The following TTC29 variants were observed in gnomAD, a reference collection of about 807,000 sequenced individuals.
TTC29 encodes the protein tetratricopeptide repeat domain 29.
TTC29 carries 49 observed loss-of-function variants against 58.1 expected under a neutral mutation model. The ratio of observed to expected loss-of-function variants is 0.84; its 90% confidence interval spans 0.67 to 1.07. The LOEUF (loss-of-function observed/expected upper bound fraction) is 1.07. Ranked by LOEUF, TTC29 falls within the 50% of genes least tolerant of loss-of-function variation. The pLI, the probability that TTC29 is intolerant of heterozygous loss-of-function variation, is 0.00. For synonymous variants in TTC29, 209 were observed against 196.8 expected, an observed-to-expected ratio of 1.06 and a Z score of -0.52; for missense variants, 582 against 555.6, an observed-to-expected ratio of 1.05 and a Z score of -0.48.
rs183919652 is a variant in TTC29, at chr4:146,781,214, T to C, written c.1330+22243A>G. Reference sequence around the variant, plus strand: ...GGAAACACAATAAAATCTATAATGATACATGAGTAGAATAATCGCTGGATT... The same window carrying C: ...GGAAACACAATAAAATCTATAATGACACATGAGTAGAATAATCGCTGGATT... On this transcript the variant is annotated intron_variant, in intron 11 of 12. Transcript: ENST00000325106. 8.5e-5 allele frequency among the ~76,000 whole-genome samples: 13 copies of C among 152,074 alleles called. No homozygotes were observed. In the East Asian group the frequency reaches 2.3e-3, roughly 27 times the overall value.
chr4:146,801,873 G>A (rs769841187), intron 11 of TTC29, among the ~76,000 whole-genome samples: 3 of 148,766 alleles, frequency 2.0e-5, no homozygotes, highest in African/African-American at 7.4e-5. Flanking sequence ...CAGCTCCTCA[G>A]GAGGCTGAAG....
chr4:146,834,476 T>C (rs1411092111), intron 8 of TTC29, among the ~76,000 whole-genome samples: 1 of 152,174 alleles, frequency 6.6e-6, no homozygotes, highest in African/African-American at 2.4e-5. Context: ...CAGCCAAACA[T>C]GTGATCTTAA....
intron 11 of TTC29, among the ~76,000 whole-genome samples, chr4:146,728,856 TACAC>T (rs1277518754): frequency 3.2e-5 from 2 of 61,802 alleles, no homozygotes; most frequent in African/African-American, 9.0e-5. Flanking sequence ...TGTATATATA[TACAC>T]ATATATATGT....
chr4:146,903,406 T>C, intron 6 of TTC29, 138 bp downstream of exon 6: 1 of 680,566 alleles, frequency 1.5e-6, no homozygotes. Flanking sequence ...TCACATGGTT[T>C]TGCTTTTTGA....
intron 11 of TTC29, among the ~76,000 whole-genome samples, chr4:146,720,896 T>C (rs956485896): frequency 2.6e-5 from 4 of 152,124 alleles, no homozygotes; most frequent in African/African-American, 7.2e-5. Flanking sequence ...TGTCACACAC[T>C]CAACAGATAT....
At chr4:146,942,560 C>T in intron 2 of TTC29, 1 of 1,510,864 alleles carries the variant, frequency 6.6e-7, no homozygotes, top group Non-Finnish European at 8.9e-7. Flanking sequence ...CAAAGCTCCC[C>T]AAACGGGCCT....
intron 4 of TTC29, among the ~76,000 whole-genome samples, chr4:146,929,543 T>C (rs1363941202): frequency 6.6e-6 from 1 of 152,220 alleles, no homozygotes; most frequent in African/African-American, 2.4e-5. Flanking sequence ...TTTATATACA[T>C]GTCTAAGTCG....
At chr4:146,801,218 A>G (rs1430455449) in intron 11 of TTC29, among the ~76,000 whole-genome samples, 2 of 152,180 alleles carry the variant, frequency 1.3e-5, no homozygotes, top group Non-Finnish European at 2.9e-5. Context: ...TTGTGGTTCA[A>G]GAAGTATTTT....
intron 8 of TTC29, among the ~76,000 whole-genome samples, chr4:146,843,164 A>G (rs1728953474): frequency 6.6e-6 from 1 of 152,116 alleles, no homozygotes; most frequent in South Asian, 2.1e-4. Context: ...GATAATACAC[A>G]TGAAGGCAAA....
chr4:146,808,247 A>G (rs1163764553), intron 10 of TTC29, among the ~76,000 whole-genome samples: 1 of 152,228 alleles, frequency 6.6e-6, no homozygotes, highest in Non-Finnish European at 1.5e-5. Flanking sequence ...CCTCAAAATA[A>G]TAAGAGCTAT....
At chr4:146,794,792 T>C (rs1391359609) in intron 11 of TTC29, among the ~76,000 whole-genome samples, 2 of 152,112 alleles carry the variant, frequency 1.3e-5, no homozygotes, top group Non-Finnish European at 2.9e-5. Context: ...ACAGCCTTTT[T>C]TTAAAAAAAT....
intron 11 of TTC29, among the ~76,000 whole-genome samples, chr4:146,710,404 T>C (rs1175623797): frequency 6.6e-6 from 1 of 152,150 alleles, no homozygotes; most frequent in Non-Finnish European, 1.5e-5. Context: ...TAGGAATCTT[T>C]CAGCTCCATT....
chr4:146,787,141 T>C (rs926045841), intron 11 of TTC29, among the ~76,000 whole-genome samples: 6 of 152,146 alleles, frequency 3.9e-5, no homozygotes, highest in African/African-American at 1.2e-4. Context: ...TAAAATCTGC[T>C]TTTGAGAGCT....
chr4:146,835,953 G>A (rs926119654), intron 8 of TTC29, among the ~76,000 whole-genome samples: 9 of 152,118 alleles, frequency 5.9e-5, no homozygotes, highest in African/African-American at 2.2e-4. Context: ...CCTTGCACTT[G>A]ATTCCATAGT....
At chr4:146,760,872 T>TAG (rs1746844204) in intron 11 of TTC29, among the ~76,000 whole-genome samples, 1 of 149,078 alleles carries the variant, frequency 6.7e-6, no homozygotes, top group Non-Finnish European at 1.5e-5. Flanking sequence ...ATACTATATA[T>TAG]ATATATATAT....
rs528091495 is a variant in TTC29, at chr4:146,737,067, C to A, written c.1331-29516G>T. Among the ~76,000 whole-genome samples, 47 of 152,250 alleles carry A rather than the reference C, an allele frequency of 3.1e-4. 1 individual carries two copies. The South Asian group carries it at 9.1e-3, about 30-fold the overall frequency. On this transcript the variant is annotated intron_variant, in intron 11 of 12. Coordinates refer to ENST00000325106, the MANE Select transcript of TTC29 (RefSeq NM_031956.4). ...TTGATCAAAGAAGGTAAAAACAGAT[C>A]ATCTTGGTGGGCTGAATTCCGTGCT...
intron 11 of TTC29, among the ~76,000 whole-genome samples, chr4:146,792,480 A>G (rs1208701829): frequency 6.6e-6 from 1 of 152,198 alleles, no homozygotes; most frequent in Admixed American, 6.5e-5. Flanking sequence ...CTGCTCATTG[A>G]TAATGCATCT....
At chr4:146,826,129 T>C (rs896635153) in intron 9 of TTC29, among the ~76,000 whole-genome samples, 1 of 152,210 alleles carries the variant, frequency 6.6e-6, no homozygotes, top group Non-Finnish European at 1.5e-5. Flanking sequence ...AGTGTTGTTA[T>C]GTGTGAATTT....
intron 11 of TTC29, among the ~76,000 whole-genome samples, chr4:146,795,343 C>A (rs1749760984): frequency 1.3e-5 from 2 of 152,118 alleles, no homozygotes. Flanking sequence ...TACTTCTTGT[C>A]ATTAGTGTCT....
Sources: gnomAD v4.1 joint callset for allele counts (sites outside exome capture counted in the v4.1 genomes callset) on GRCh38, gnomAD v4.1.1 for gene constraint, MANE v1.5 for transcripts, NCBI Gene and HGNC (gene_info 2026-07-23, HGNC 2026-07-21) for gene names.